Variants in DNAJC13 observed in about 807,000 individuals in gnomAD.
DNAJC13 encodes the protein DnaJ heat shock protein family (Hsp40) member C13.
DNAJC13 carries 75 observed loss-of-function variants against 290.5 expected under a neutral mutation model. The ratio of observed to expected loss-of-function variants is 0.26; its 90% confidence interval spans 0.21 to 0.31. The LOEUF (loss-of-function observed/expected upper bound fraction) is 0.31. DNAJC13 is among the 10% of genes least tolerant of loss of function. DNAJC13 has a pLI of 1.00. For synonymous variants in DNAJC13, 862 were observed against 892.0 expected, an observed-to-expected ratio of 0.97 and a Z score of 0.60; for missense variants, 2,260 against 2,674.5, an observed-to-expected ratio of 0.85 and a Z score of 3.42.
At chr3:132,470,827 T>C (rs1352364114) in intron 20 of DNAJC13, among the ~76,000 whole-genome samples, 4 of 128,084 alleles carry the variant, frequency 3.1e-5, no homozygotes, top group Admixed American at 7.4e-5. Context: ...ACAGGGCGGC[T>C]GGCCAGGCGG....
At chr3:132,494,294 C>CCCA in intron 34 of DNAJC13, 35 bp downstream of exon 34, 1 of 1,471,908 alleles carries the variant, frequency 6.8e-7, no homozygotes, top group Non-Finnish European at 9.5e-7. Flanking sequence ...AAATGTCTGT[C>CCCA]CCACCTTAAA....
In DNAJC13 at chr3:132,475,009, C is replaced by A. The variant is rs149121829; in HGVS notation, c.2369C>A (p.Ser790Tyr). ...TREELKDTLE[S>Y]EMRAFNIDRE... is the part of the protein sequence containing the mutation. ...GAAGAACTGAAAGATACTCTTGAATCTGAAATGAGAGCATTTAATATTGAC... is the reference window on the plus strand; with the variant it reads ...GAAGAACTGAAAGATACTCTTGAATATGAAATGAGAGCATTTAATATTGAC... The change falls in exon 22 of 56, where the codon TCT becomes TAT. Residue 790 changes from serine (S) to tyrosine (Y), a missense_variant. By Grantham distance (144) the Ser-to-Tyr change is moderately radical. This residue lies in a region of DNAJC13 where 762 missense variants were observed against 964.1 expected (regional missense o/e 0.79). Coordinates refer to ENST00000260818, the MANE Select transcript of DNAJC13 (RefSeq NM_015268.4). 7.8e-3 allele frequency: 12,509 copies of A among 1,611,416 alleles called. 60 individuals are homozygous for A. The highest frequency in any genetic ancestry group is 9.4e-3 in the Admixed American group (562 of 59,784).
At chr3:132,440,006 C>T (rs987055354) in intron 2 of DNAJC13, among the ~76,000 whole-genome samples, 11 of 152,168 alleles carry the variant, frequency 7.2e-5, no homozygotes, top group African/African-American at 2.4e-4. Context: ...GACTATAATC[C>T]GAGCACTTTG....
intron 55 of DNAJC13, among the ~76,000 whole-genome samples, chr3:132,537,880 G>A (rs528335919): frequency 1.3e-4 from 20 of 152,196 alleles, no homozygotes; most frequent in South Asian, 1.0e-3. Context: ...TTCAGTGCTC[G>A]GAATTTTTTG....
At chr3:132,436,487 A>G (rs1939388663) in intron 2 of DNAJC13, among the ~76,000 whole-genome samples, 2 of 152,186 alleles carry the variant, frequency 1.3e-5, no homozygotes, top group African/African-American at 4.8e-5. Flanking sequence ...CTCTTTTACT[A>G]TTATGAATAA....
intron 29 of DNAJC13, among the ~76,000 whole-genome samples, chr3:132,485,224 G>A (rs1298644843): frequency 3.3e-5 from 5 of 151,922 alleles, no homozygotes; most frequent in Non-Finnish European, 5.9e-5. Flanking sequence ...TCCAACCTTC[G>A]CCTCCCATGT....
At chr3:132,442,978 CAT>C (rs1284753770) in intron 2 of DNAJC13, among the ~76,000 whole-genome samples, 2 of 152,096 alleles carry the variant, frequency 1.3e-5, no homozygotes, top group Non-Finnish European at 2.9e-5. Context: ...TGTATGTTGA[CAT>C]ATTTTTGGAT....
intron 26 of DNAJC13, 35 bp from the exon 27 acceptor site, chr3:132,482,191 C>A: frequency 6.4e-7 from 1 of 1,567,948 alleles, no homozygotes; most frequent in Non-Finnish European, 8.7e-7. Flanking sequence ...TAGATTTCTG[C>A]CTTGGAAAAT....
At chr3:132,452,880 C>T (rs2107666009) in intron 6 of DNAJC13, among the ~76,000 whole-genome samples, 1 of 152,338 alleles carries the variant, frequency 6.6e-6, no homozygotes, top group South Asian at 2.1e-4. Context: ...AAACATTCTT[C>T]AGCATCATCT....
At chr3:132,437,125 C>T (rs568642616) in intron 2 of DNAJC13, among the ~76,000 whole-genome samples, 3 of 151,948 alleles carry the variant, frequency 2.0e-5, no homozygotes, top group Non-Finnish European at 2.9e-5. Context: ...GTAATCCGCC[C>T]GCCTCAGCCT....
At chr3:132,524,330 A>C (rs754469076) in intron 51 of DNAJC13, among the ~76,000 whole-genome samples, 5 of 152,168 alleles carry the variant, frequency 3.3e-5, no homozygotes, top group Non-Finnish European at 7.4e-5. Flanking sequence ...GACCTACATG[A>C]TTGTTGTTTA....
chr3:132,499,452 C>A, intron 37 of DNAJC13, 142 bp downstream of exon 37: 2 of 797,228 alleles, frequency 2.5e-6, no homozygotes, highest in Non-Finnish European at 3.8e-6. Flanking sequence ...ATTCTTATAC[C>A]AAATTAAAGG....
At chr3:132,516,673 T>C in intron 47 of DNAJC13, 31 bp from the exon 48 acceptor site, 1 of 1,581,820 alleles carries the variant, frequency 6.3e-7, no homozygotes, top group Non-Finnish European at 8.6e-7. Context: ...TCAAATTCTT[T>C]ATAAGCACTA....
chr3:132,420,663 G>A (rs1358217676), intron 1 of DNAJC13, among the ~76,000 whole-genome samples: 3 of 151,594 alleles, frequency 2.0e-5, no homozygotes, highest in African/African-American at 7.3e-5. Context: ...GAATCAAACA[G>A]GCATTGCTCT....
chr3:132,489,118 G>C, intron 31 of DNAJC13, 97 bp downstream of exon 31: 2 of 881,118 alleles, frequency 2.3e-6, no homozygotes, highest in Non-Finnish European at 3.6e-6. Flanking sequence ...TAGATTATAA[G>C]TACTTGAGGG....
chr3:132,525,512 T>C, intron 51 of DNAJC13, 98 bp from the exon 52 acceptor site: 2 of 1,277,946 alleles, frequency 1.6e-6, no homozygotes, highest in Non-Finnish European at 2.2e-6. Context: ...CACTTAGAAC[T>C]TTTGAATCCC....
intron 55 of DNAJC13, among the ~76,000 whole-genome samples, chr3:132,534,444 C>G (rs1424364409): frequency 1.3e-5 from 2 of 152,038 alleles, no homozygotes; most frequent in African/African-American, 2.4e-5. Flanking sequence ...CTGCTTGAGT[C>G]CAGGAGTTCC....
chr3:132,513,030 G>T lies in DNAJC13; in HGVS notation c.5316G>T (p.Gly1772=). 3 of 1,613,064 alleles carry T rather than the reference G, an allele frequency of 1.9e-6. No individual in the cohort carries two copies. Among genetic ancestry groups the T allele is most frequent in the Non-Finnish European group, 2.5e-6 (3 of 1,179,234 alleles). The change falls in exon 45 of 56, where the codon GGG becomes GGT. Residue 1772 remains glycine, a synonymous_variant. Transcript: ENST00000260818. ...TAGGTTCTGAGAGTGAATGCATTGGGCACTTTAAGTTGATATTTTCTCTTC... is the reference window on the plus strand; with the variant it reads ...TAGGTTCTGAGAGTGAATGCATTGGTCACTTTAAGTTGATATTTTCTCTTC... ...YNPGSESECI[G]HFKLIFSLLR... is the part of the protein sequence containing the mutation.
At chr3:132,525,288 C>CAG (rs1446946491) in intron 51 of DNAJC13, among the ~76,000 whole-genome samples, 1 of 152,028 alleles carries the variant, frequency 6.6e-6, no homozygotes, top group Non-Finnish European at 1.5e-5. Context: ...TGTGGTGAGC[C>CAG]GAGATCGCGC....
Sources: gnomAD v4.1 joint callset for allele counts (sites outside exome capture counted in the v4.1 genomes callset) on GRCh38, gnomAD v4.1.1 for gene constraint, gnomAD v4.1.1 regional missense constraint, MANE v1.5 for transcripts, NCBI Gene and HGNC (gene_info 2026-07-23, HGNC 2026-07-21) for gene names.